Variants in MACROH2A2 observed in about 807,000 individuals in gnomAD.
The protein encoded by MACROH2A2 is macroH2A.2 histone, also known as core histone macro-H2A.2.
In MACROH2A2, 6 loss-of-function variants were observed where a neutral mutation model predicts 37.6. The ratio of observed to expected loss-of-function variants is 0.16; its 90% CI spans 0.09 to 0.32. MACROH2A2 has a LOEUF of 0.32. Among genes scored for constraint, MACROH2A2 ranks in the 10% least tolerant of loss-of-function variants. MACROH2A2 has a pLI of 1.00. For synonymous variants in MACROH2A2, 192 were observed against 202.7 expected, an observed-to-expected ratio of 0.95 and a Z score of 0.45; for missense variants, 290 against 485.9, an observed-to-expected ratio of 0.60 and a Z score of 3.79.
intron 1 of MACROH2A2, among the ~76,000 whole-genome samples, chr10:70,073,041 A>G (rs1200222816): frequency 2.0e-5 from 3 of 152,210 alleles, no homozygotes; most frequent in Non-Finnish European, 4.4e-5. Context: ...CCACCGTCAT[A>G]TGCGGTCATT....
chr10:70,105,905 T>C (rs1409514852), intron 7 of MACROH2A2, among the ~76,000 whole-genome samples: 1 of 152,102 alleles, frequency 6.6e-6, no homozygotes, highest in Non-Finnish European at 1.5e-5. Context: ...AGAAAGGTCA[T>C]GAGGTGCAGG....
intron 1 of MACROH2A2, among the ~76,000 whole-genome samples, chr10:70,071,045 A>G (rs757240338): frequency 5.4e-5 from 8 of 149,390 alleles, no homozygotes; most frequent in Non-Finnish European, 1.2e-4. Context: ...GTGCACGTGC[A>G]TGCGTGTGTG....
At chr10:70,068,412 A>G (rs1589831743) in intron 1 of MACROH2A2, among the ~76,000 whole-genome samples, 1 of 152,234 alleles carries the variant, frequency 6.6e-6, no homozygotes, top group Non-Finnish European at 1.5e-5. Context: ...TACTAGCCAT[A>G]TGGGAAAATA....
intron 2 of MACROH2A2, among the ~76,000 whole-genome samples, chr10:70,085,194 A>G (rs1468784046): frequency 6.6e-6 from 1 of 152,154 alleles, no homozygotes; most frequent in African/African-American, 2.4e-5. Context: ...GGATGGAGAT[A>G]CCAGTTCTAA....
chr10:70,086,546 A>G (rs1249494462), intron 2 of MACROH2A2, among the ~76,000 whole-genome samples: 1 of 152,082 alleles, frequency 6.6e-6, no homozygotes, highest in Non-Finnish European at 1.5e-5. Context: ...AAATAACCTG[A>G]CCTTCATGGG....
rs1334883300 is a variant in MACROH2A2, at chr10:70,075,747, G to A, written c.89G>A (p.Arg30His). ...ATCTTTCCAGTGGGGAGGCTGATGCGTTATCTGAAGAAAGGGACGTTCAAG... is the reference window on the plus strand; with the variant it reads ...ATCTTTCCAGTGGGGAGGCTGATGCATTATCTGAAGAAAGGGACGTTCAAG... Reference protein sequence around the residue: ...GVIFPVGRLMRYLKKGTFKYR... With the variant: ...GVIFPVGRLMHYLKKGTFKYR... The change falls in exon 2 of 9, where the codon CGT (arginine) becomes CAT (histidine). Residue 30 changes from arginine (R) to histidine (H), a missense_variant. Physicochemically the swap from Arg to His is conservative, Grantham distance 29. This residue lies in a region of MACROH2A2 where 83 missense variants were observed against 159.9 expected (regional missense o/e 0.52). Transcript: ENST00000373255. This position sits in a 1 kb window ranked among gnomAD's most constrained non-coding sequence, Gnocchi z 5.0. The A allele has an allele frequency of 6.2e-7, 1 of 1,613,958 alleles. No individual in the cohort carries two copies. Among genetic ancestry groups the A allele is most frequent in the East Asian group, 2.2e-5 (1 of 44,896 alleles).
At chr10:70,106,071 G>A (rs773964819) in intron 7 of MACROH2A2, among the ~76,000 whole-genome samples, 1 of 152,150 alleles carries the variant, frequency 6.6e-6, no homozygotes, top group Non-Finnish European at 1.5e-5. Context: ...ACAGTGTCAC[G>A]GAAACCAGGC....
chr10:70,065,047 G>C (rs1407339076), intron 1 of MACROH2A2, among the ~76,000 whole-genome samples: 1 of 86,936 alleles, frequency 1.2e-5, no homozygotes, highest in Non-Finnish European at 2.4e-5. Flanking sequence ...TTTTTTTTTT[G>C]AGACAGAGTC....
intron 5 of MACROH2A2, among the ~76,000 whole-genome samples, chr10:70,095,317 G>A (rs1043287299): frequency 4.6e-5 from 7 of 150,554 alleles, no homozygotes; most frequent in Non-Finnish European, 7.4e-5. Context: ...GCAGTGAGCC[G>A]AGATCACGCC....
intron 3 of MACROH2A2, among the ~76,000 whole-genome samples, chr10:70,090,834 T>C (rs1474051269): frequency 6.6e-6 from 1 of 152,244 alleles, no homozygotes; most frequent in Non-Finnish European, 1.5e-5. Context: ...CAGTTTGCTG[T>C]GAAAGTTTCT....
chr10:70,096,505 T>C (rs190247752), intron 6 of MACROH2A2, among the ~76,000 whole-genome samples: 22 of 152,228 alleles, frequency 1.4e-4, no homozygotes, highest in Admixed American at 6.5e-4. Flanking sequence ...ATTGAGTTAT[T>C]TTTGCCTGTG....
intron 7 of MACROH2A2, among the ~76,000 whole-genome samples, chr10:70,105,900 G>C (rs1251609831): frequency 6.6e-6 from 1 of 152,198 alleles, no homozygotes; most frequent in Non-Finnish European, 1.5e-5. Context: ...GCCCCAGAAA[G>C]GTCATGAGGT....
At chr10:70,091,655 C>T in intron 3 of MACROH2A2, 102 bp from the exon 4 acceptor site, 1 of 793,406 alleles carries the variant, frequency 1.3e-6, no homozygotes, top group Non-Finnish European at 1.9e-6. Context: ...GCCTGGGTGA[C>T]AGAGTAAGAT....
Position 70,090,174 on chromosome 10 carries a change from T to C in MACROH2A2, c.279+8T>C, listed in dbSNP as rs1564545383. On this transcript the variant is annotated splice_region_variant and intron_variant, in intron 3 of 8. Coordinates refer to ENST00000373255, the MANE Select transcript of MACROH2A2 (RefSeq NM_018649.3). ...GACGAGGAGCTCAACCAGGTATGTC[T>C]GAAGCCTTGAGGGAAGCCGTAGAAT... is the stretch of plus-strand genomic sequence containing the variant. 1.3e-6 allele frequency: 2 copies of C among 1,581,192 alleles called. No homozygotes were observed. Among genetic ancestry groups the C allele is most frequent in the Non-Finnish European group, 1.7e-6 (2 of 1,149,916 alleles).
At chr10:70,091,646 C>G in intron 3 of MACROH2A2, 111 bp from the exon 4 acceptor site, 1 of 755,312 alleles carries the variant, frequency 1.3e-6, no homozygotes. Context: ...TGCACTCCAG[C>G]CTGGGTGACA....
intron 6 of MACROH2A2, chr10:70,099,400 G>C (rs2072293776): frequency 6.6e-6 from 1 of 152,156 alleles, no homozygotes; most frequent in Non-Finnish European, 1.5e-5. Context: ...TAAAGAGATT[G>C]CTGAGACTTG....
chr10:70,097,319 T>C (rs1224358226), intron 6 of MACROH2A2, among the ~76,000 whole-genome samples: 1 of 152,168 alleles, frequency 6.6e-6, no homozygotes. Flanking sequence ...TAAGGGAGGA[T>C]AGCAATAGTA....
chr10:70,079,116 T>G (rs890542447), intron 2 of MACROH2A2, among the ~76,000 whole-genome samples: 13 of 151,904 alleles, frequency 8.6e-5, no homozygotes, highest in African/African-American at 3.1e-4. Context: ...GGGCAGGGAA[T>G]GAGAGGAACT....
chr10:70,091,651 G>A, intron 3 of MACROH2A2, 106 bp from the exon 4 acceptor site: 1 of 786,634 alleles, frequency 1.3e-6, no homozygotes, highest in African/African-American at 1.8e-5. Context: ...TCCAGCCTGG[G>A]TGACAGAGTA....
Sources: allele counts gnomAD v4.1 joint callset (sites outside exome capture counted in the v4.1 genomes callset), GRCh38; gene constraint gnomAD v4.1.1; regional missense constraint gnomAD v4.1.1; non-coding constraint Gnocchi (gnomAD v3.1); transcripts MANE v1.5; gene names NCBI Gene and HGNC (gene_info 2026-07-23, HGNC 2026-07-21).